Variants in CLVS1 observed in about 807,000 individuals in gnomAD.
CLVS1 encodes the protein clavesin 1.
CLVS1 carries 10 observed loss-of-function variants against 33.1 expected under a neutral mutation model. That is an observed-to-expected ratio of 0.30 (90% CI 0.19 to 0.51). CLVS1 has a LOEUF of 0.51. Among genes scored for constraint, CLVS1 ranks in the 20% least tolerant of loss-of-function variants. The pLI, the probability that CLVS1 is intolerant of heterozygous loss-of-function variation, is 0.97. For missense variants in CLVS1, 343 were observed against 433.4 expected (o/e 0.79, Z 1.85); for synonymous variants, 163 against 166.1 (o/e 0.98, Z 0.14).
chr8:61,304,615 C>T (rs927412107), intron 2 of CLVS1, among the ~76,000 whole-genome samples: 11 of 152,154 alleles, frequency 7.2e-5, no homozygotes, highest in Non-Finnish European at 1.0e-4. Flanking sequence ...CACCTAAACT[C>T]GTATCAGCAT....
intron 2 of CLVS1, among the ~76,000 whole-genome samples, chr8:61,338,775 C>T (rs1238844179): frequency 1.3e-5 from 2 of 152,204 alleles, no homozygotes; most frequent in South Asian, 2.1e-4. Flanking sequence ...CCAACCTTCC[C>T]CTGCCCCCTG....
intron 2 of CLVS1, among the ~76,000 whole-genome samples, chr8:61,233,523 AAG>A (rs1554548550): frequency 2.0e-5 from 3 of 150,064 alleles, no homozygotes; most frequent in African/African-American, 7.4e-5. Flanking sequence ...AAAAAAAAAA[AAG>A]AAAGAAAAAG....
At chr8:61,307,133 G>A (rs1810658531) in intron 2 of CLVS1, among the ~76,000 whole-genome samples, 1 of 152,162 alleles carries the variant, frequency 6.6e-6, no homozygotes, top group African/African-American at 2.4e-5. Flanking sequence ...GTGTAGACCA[G>A]CTATGGTCCC....
At chr8:61,022,741 T>C in the CLVS1 span, among the ~76,000 whole-genome samples, 2 of 152,200 alleles carry the variant, frequency 1.3e-5, no homozygotes, top group African/African-American at 2.4e-5. Context: ...TCCAAAGTGC[T>C]AAAGAGCTGG....
At chr8:61,497,247 G>A (rs1344841504) in intron 5 of CLVS1, among the ~76,000 whole-genome samples, 1 of 152,158 alleles carries the variant, frequency 6.6e-6, no homozygotes, top group Non-Finnish European at 1.5e-5. Context: ...TACAGAAAAG[G>A]ATATAGATTG....
intron 5 of CLVS1, among the ~76,000 whole-genome samples, chr8:61,475,443 C>G: frequency 6.6e-6 from 1 of 152,170 alleles, no homozygotes; most frequent in Non-Finnish European, 1.5e-5. Context: ...TTCTCCACAC[C>G]CTCTCCAGCA....
the CLVS1 span, among the ~76,000 whole-genome samples, chr8:60,972,056 G>T: frequency 6.6e-6 from 1 of 152,106 alleles, no homozygotes; most frequent in Non-Finnish European, 1.5e-5. Flanking sequence ...GGGATGGAGG[G>T]TTCACTTCTA....
chr8:61,251,544 G>A (rs1324073089), intron 2 of CLVS1, among the ~76,000 whole-genome samples: 2 of 152,044 alleles, frequency 1.3e-5, no homozygotes, highest in Non-Finnish European at 2.9e-5. Flanking sequence ...GTCTGGTCCT[G>A]GGCTTTTTTT....
chr8:60,969,396 T>G, the CLVS1 span, among the ~76,000 whole-genome samples: 1 of 152,184 alleles, frequency 6.6e-6, no homozygotes, highest in Admixed American at 6.5e-5. Flanking sequence ...GACTTAACCC[T>G]TGCCTAGCAT....
intron 3 of CLVS1, among the ~76,000 whole-genome samples, chr8:61,383,714 G>C (rs1442860567): frequency 6.6e-6 from 1 of 152,172 alleles, no homozygotes; most frequent in Non-Finnish European, 1.5e-5. Flanking sequence ...GATTCTGATG[G>C]CAGGCTCAGT....
chr8:61,077,443 A>AG (rs1437391505), intron 1 of CLVS1, among the ~76,000 whole-genome samples: 7 of 3,894 alleles, frequency 1.8e-3, no homozygotes, highest in Admixed American at 5.0e-3. Flanking sequence ...CTCTAAAAGT[A>AG]TTATTATTAT....
At chr8:61,479,076 G>T (rs987830193) in intron 5 of CLVS1, among the ~76,000 whole-genome samples, 1 of 151,954 alleles carries the variant, frequency 6.6e-6, no homozygotes, top group Non-Finnish European at 1.5e-5. Context: ...TGCTCTTCTC[G>T]TGGAGTATCT....
At chr8:61,332,320 C>T (rs1000453242) in intron 2 of CLVS1, among the ~76,000 whole-genome samples, 3 of 152,134 alleles carry the variant, frequency 2.0e-5, no homozygotes, top group African/African-American at 7.2e-5. Context: ...TGGGTGGGAT[C>T]TGGGTGTTGC....
chr8:61,020,043 G>T, the CLVS1 span, among the ~76,000 whole-genome samples: 9 of 152,358 alleles, frequency 5.9e-5, no homozygotes, highest in Admixed American at 3.9e-4. Context: ...TGTGCAGAGA[G>T]AGGCCAGTCA....
chr8:61,434,183 C>T (rs185510205), intron 3 of CLVS1, among the ~76,000 whole-genome samples: 22 of 152,192 alleles, frequency 1.4e-4, no homozygotes, highest in Admixed American at 1.2e-3. Flanking sequence ...CATCAAGGTC[C>T]CCAGACCCAA....
At chr8:61,004,478 G>A in the CLVS1 span, among the ~76,000 whole-genome samples, 1 of 152,230 alleles carries the variant, frequency 6.6e-6, no homozygotes, top group Non-Finnish European at 1.5e-5. Context: ...AGCCCTGACT[G>A]AAGGCTCAGT....
At chr8:60,993,271 C>A in the CLVS1 span, among the ~76,000 whole-genome samples, 13 of 152,330 alleles carry the variant, frequency 8.5e-5, no homozygotes, top group East Asian at 2.5e-3. Flanking sequence ...CCTCTCCCCA[C>A]CCTACACAAT....
chr8:61,049,668 G>A, the CLVS1 span, among the ~76,000 whole-genome samples: 8 of 152,164 alleles, frequency 5.3e-5, no homozygotes, highest in Non-Finnish European at 1.2e-4. Flanking sequence ...GATAGAGGCC[G>A]CAAAGACACA....
At chr8:61,297,429 T>C (rs1200402495) in intron 1 of CLVS1, among the ~76,000 whole-genome samples, 4 of 152,118 alleles carry the variant, frequency 2.6e-5, no homozygotes, top group African/African-American at 9.7e-5. Context: ...ATGGAAGTGA[T>C]TGCCTGATAG....
Sources: allele counts gnomAD v4.1 joint callset (sites outside exome capture counted in the v4.1 genomes callset), GRCh38; gene constraint gnomAD v4.1.1; transcripts MANE v1.5; gene names NCBI Gene and HGNC (gene_info 2026-07-23, HGNC 2026-07-21).